YARS1: variants seen among roughly 807,000 people sequenced by gnomAD.
YARS1 encodes tyrosyl-tRNA synthetase 1, also known as tyrosine--tRNA ligase, cytoplasmic.
A neutral mutation model predicts 62.2 loss-of-function variants in YARS1; 36 were observed. The ratio of observed to expected loss-of-function variants is 0.58; its 90% confidence interval spans 0.44 to 0.76. YARS1 has a LOEUF of 0.76. Ranked by LOEUF, YARS1 falls within the 30% of genes least tolerant of loss-of-function variation. The pLI, the probability that YARS1 is intolerant of heterozygous loss-of-function variation, is 0.00. For synonymous variants in YARS1, 234 were observed against 244.9 expected (o/e 0.96, Z 0.42); for missense variants, 524 against 639.8 (o/e 0.82, Z 1.95).
intron 1 of YARS1, among the ~76,000 whole-genome samples, chr1:32,815,021 A>G (rs1379029811): frequency 1.3e-5 from 2 of 152,158 alleles, no homozygotes; most frequent in Non-Finnish European, 2.9e-5. Flanking sequence ...GAGGGTTCTC[A>G]CCATCCAAGA....
At chr1:32,814,483 G>A (rs1339273003) in intron 1 of YARS1, among the ~76,000 whole-genome samples, 2 of 152,076 alleles carry the variant, frequency 1.3e-5, no homozygotes, top group Admixed American at 6.6e-5. Context: ...CTCTGCTCCC[G>A]GGTTCAAACG....
intron 11 of YARS1, 40 bp downstream of exon 11, chr1:32,780,045 C>T (rs1267868270): frequency 1.9e-6 from 3 of 1,612,386 alleles, no homozygotes; most frequent in Non-Finnish European, 2.5e-6. Flanking sequence ...CTCTTCCTGG[C>T]CTCCCCAGGT....
Position 32,816,666 on chromosome 1 carries a change from T to C in YARS1, c.57+522A>G, listed in dbSNP as rs188858974. 1.1e-3 allele frequency: 176 copies of C among 160,432 alleles called. 1 individual carries two copies. Among genetic ancestry groups the C allele is most frequent in the Admixed American group, 9.6e-3 (161 of 16,756 alleles). The allele number at this position is 160,432 out of a possible 1,614,324, so 9.9% of individuals were successfully genotyped here. On this transcript the variant is annotated intron_variant, in intron 1 of 12. Coordinates refer to ENST00000373477, the MANE Select transcript of YARS1 (RefSeq NM_003680.4). ...TTCCTCTGGTTCACTTCTACTCCTG[T>C]AGTTCTTGGTAACAAACGGAACATT...
intron 5 of YARS1, among the ~76,000 whole-genome samples, chr1:32,795,050 T>TGG (rs1324573351): frequency 2.1e-5 from 3 of 140,716 alleles, no homozygotes; most frequent in Non-Finnish European, 4.5e-5. Context: ...CCAGGCGCGG[T>TGG]GGCTCACGCT....
intron 5 of YARS1, among the ~76,000 whole-genome samples, chr1:32,796,415 G>A (rs1261106239): frequency 6.6e-6 from 1 of 151,288 alleles, no homozygotes; most frequent in African/African-American, 2.4e-5. Flanking sequence ...ACCCAGTTTG[G>A]AGTGTGATGG....
At chr1:32,786,165 G>A (rs894083987) in intron 8 of YARS1, among the ~76,000 whole-genome samples, 197 bp downstream of exon 8, 1 of 152,150 alleles carries the variant, frequency 6.6e-6, no homozygotes, top group Admixed American at 6.6e-5. Flanking sequence ...AGTCAGAAAA[G>A]CTAACTGACA....
Position 32,775,894 on chromosome 1 carries a change from A to G in YARS1, c.*87T>C. The G allele has an allele frequency of 8.0e-7, 1 of 1,249,324 alleles. No individual in the cohort carries two copies. Among genetic ancestry groups the G allele is most frequent in the South Asian group, 1.2e-5 (1 of 81,782 alleles). 77.4% of individuals were successfully genotyped at this position (1,249,324 alleles called of 1,614,324 possible). Reference sequence around the variant, plus strand: ...AAACCCGCTGCTTCCGTGTCCTGAGAGATGGGTAAATGGGTGATGGATGGA... The same window carrying G: ...AAACCCGCTGCTTCCGTGTCCTGAGGGATGGGTAAATGGGTGATGGATGGA... On this transcript the variant is annotated 3_prime_UTR_variant, in exon 13 of 13. Coordinates refer to ENST00000373477, the MANE Select transcript of YARS1 (RefSeq NM_003680.4).
chr1:32,816,098 G>T (rs1028407310), intron 1 of YARS1, among the ~76,000 whole-genome samples: 1 of 125,770 alleles, frequency 8.0e-6, no homozygotes, highest in Non-Finnish European at 1.6e-5. Context: ...GACAGAGCGA[G>T]ACTCCGCCTC....
intron 1 of YARS1, 122 bp from the exon 2 acceptor site, chr1:32,811,179 G>A: frequency 1.4e-6 from 2 of 1,427,630 alleles, no homozygotes; most frequent in South Asian, 1.2e-5. Context: ...CATCAAGGAG[G>A]TCCAGCCATG....
intron 7 of YARS1, 54 bp from the exon 8 acceptor site, chr1:32,786,501 C>A (rs931957443): frequency 9.6e-7 from 1 of 1,039,688 alleles, no homozygotes; most frequent in African/African-American, 1.5e-5. Flanking sequence ...TCCTAGCTCA[C>A]ATGCATGACT....
At chr1:32,787,110 G>T in intron 6 of YARS1, 35 bp from the exon 7 acceptor site, 3 of 1,613,408 alleles carry the variant, frequency 1.9e-6, no homozygotes, top group Non-Finnish European at 2.5e-6. Flanking sequence ...ACCTCTTGTG[G>T]TTGAAAATGA....
At position 32,817,341 on chromosome 1, in the gene YARS1, A is replaced by G. The variant is rs1638780051; in HGVS notation, c.-97T>C. ...GTGCCGGGAACTGTCACGCGAGTCCAGCCAGGTTGCATCAGCTGGGCTCGG... is the reference window on the plus strand; with the variant it reads ...GTGCCGGGAACTGTCACGCGAGTCCGGCCAGGTTGCATCAGCTGGGCTCGG... On this transcript the variant is annotated 5_prime_UTR_variant, in exon 1 of 13. Transcript: ENST00000373477. 3 of 1,521,870 alleles carry G rather than the reference A, an allele frequency of 2.0e-6. No homozygotes were observed. Among genetic ancestry groups the G allele is most frequent in the Non-Finnish European group, 1.8e-6 (2 of 1,105,858 alleles). The allele number at this position is 1,521,870 out of a possible 1,614,324, so 94.3% of individuals were successfully genotyped here. A position where few individuals can be genotyped will look rare whatever the true frequency, so the allele number is the denominator to read the frequency against.
intron 4 of YARS1, among the ~76,000 whole-genome samples, chr1:32,803,516 C>T (rs1351290173): frequency 1.3e-5 from 2 of 152,124 alleles, no homozygotes; most frequent in African/African-American, 4.8e-5. Flanking sequence ...GCTGCATTAG[C>T]TCCTAACAAG....
chr1:32,813,352 T>G (rs1336800591), intron 1 of YARS1, among the ~76,000 whole-genome samples: 1 of 152,216 alleles, frequency 6.6e-6, no homozygotes, highest in Non-Finnish European at 1.5e-5. Context: ...GGAGTCTCAC[T>G]CTGTTGCCCA....
intron 6 of YARS1, chr1:32,790,886 T>C: frequency 2.4e-6 from 1 of 422,656 alleles, no homozygotes; most frequent in South Asian, 2.2e-5. Context: ...CTCTCATTAA[T>C]AAGGCTGAAT....
At chr1:32,813,329 G>T (rs915070975) in intron 1 of YARS1, among the ~76,000 whole-genome samples, 2 of 152,032 alleles carry the variant, frequency 1.3e-5, no homozygotes, top group African/African-American at 4.8e-5. Context: ...GATACTTTTT[G>T]TTTTTTCAAG....
chr1:32,814,847 G>T (rs1557469496), intron 1 of YARS1, among the ~76,000 whole-genome samples: 1 of 152,230 alleles, frequency 6.6e-6, no homozygotes, highest in Non-Finnish European at 1.5e-5. Flanking sequence ...CCGATAAGAG[G>T]TTGTAGTGTT....
At position 32,791,174 on chromosome 1, in the gene YARS1, G is replaced by C; in HGVS notation, c.672C>G (p.Ser224Arg). 1 of 1,614,008 alleles carries C rather than the reference G, an allele frequency of 6.2e-7. No individual in the cohort carries two copies. The highest frequency in any genetic ancestry group is 8.5e-7 in the Non-Finnish European group (1 of 1,179,936). The change falls in exon 6 of 13, where the codon AGC becomes AGG. Residue 224 changes from serine (S) to arginine (R), a missense_variant. Ser to Arg is a moderately radical substitution (Grantham distance 110). Transcript: ENST00000373477. ...MVPGLTGSKM[S>R]SSEEESKIDL... is the part of the protein sequence containing the mutation. ...GCTGGCAACTTACCTCTTCTGAAGA[G>C]CTCATTTTGCTGCCTGTTAATCCTG... is the stretch of plus-strand genomic sequence containing the variant.
At chr1:32,814,824 A>C (rs956587423) in intron 1 of YARS1, among the ~76,000 whole-genome samples, 1 of 152,226 alleles carries the variant, frequency 6.6e-6, no homozygotes, top group Non-Finnish European at 1.5e-5. Flanking sequence ...AAATTCTAAC[A>C]GGCCAGTGTA....
Sources: gnomAD v4.1 joint callset for allele counts (sites outside exome capture counted in the v4.1 genomes callset) on GRCh38, gnomAD v4.1.1 for gene constraint, MANE v1.5 for transcripts, NCBI Gene and HGNC (gene_info 2026-07-23, HGNC 2026-07-21) for gene names.